SLC25A33: variants seen among roughly 807,000 people sequenced by gnomAD.
SLC25A33 encodes solute carrier family 25 member 33.
In SLC25A33, 15 loss-of-function variants were observed where a neutral mutation model predicts 35.5. That is an observed-to-expected ratio of 0.42 (90% CI 0.28 to 0.65). SLC25A33 has a LOEUF of 0.65. Among genes scored for constraint, SLC25A33 ranks in the 30% least tolerant of loss-of-function variants. The probability of loss-of-function intolerance (pLI) is 0.20; values close to 1 mark genes in which losing one functional copy is unlikely to be tolerated. For missense variants in SLC25A33, 257 were observed against 398.5 expected (o/e 0.64, Z 3.02); for synonymous variants, 136 against 148.7 (o/e 0.91, Z 0.62).
intron 5 of SLC25A33, among the ~76,000 whole-genome samples, chr1:9,575,632 A>G (rs1016889388): frequency 8.5e-5 from 13 of 152,064 alleles, no homozygotes; most frequent in African/African-American, 3.1e-4. Flanking sequence ...AAACGAAAGC[A>G]AAACGAAAGG....
At chr1:9,555,726 C>G (rs1409993536) in intron 2 of SLC25A33, among the ~76,000 whole-genome samples, 1 of 152,090 alleles carries the variant, frequency 6.6e-6, no homozygotes, top group Non-Finnish European at 1.5e-5. Context: ...ACTCTGTCAC[C>G]CAAGCTGGAG....
At position 9,583,584 on chromosome 1, in the gene SLC25A33, C is replaced by T. The variant is rs767019220; in HGVS notation, c.*1083C>T. ...ATGTGATGAAGAACAGTCATTCCCA[C>T]TGAGGTCTTTAGCCCTGTTCTTGGA... On this transcript the variant is annotated 3_prime_UTR_variant, in exon 7 of 7. Transcript: ENST00000302692. 3 of 152,154 alleles carry T rather than the reference C, an allele frequency of 2.0e-5. No homozygotes were observed. Among genetic ancestry groups the T allele is most frequent in the Admixed American group, 2.0e-4 (3 of 15,260 alleles). 9.4% of individuals were successfully genotyped at this position (152,154 alleles called of 1,614,324 possible).
chr1:9,560,251 CAAA>C (rs1211740712), intron 2 of SLC25A33, among the ~76,000 whole-genome samples: 5 of 96,464 alleles, frequency 5.2e-5, no homozygotes, highest in Non-Finnish European at 2.1e-5. Context: ...GACTCCATCT[CAAA>C]AAAAAAAAAA....
At position 9,544,547 on chromosome 1, in the gene SLC25A33, G is replaced by T. The variant is rs143279258; in HGVS notation, c.56+4800G>T. 5.2e-3 allele frequency among the ~76,000 whole-genome samples: 789 copies of T among 152,186 alleles called. 21 individuals carry two copies. Among genetic ancestry groups the T allele is most frequent in the Admixed American group, 0.033 (507 of 15,262 alleles). ...GCCTCCAAAAGTGCTGGGATTACAGGCGTGAGCCACCGAGCCCAGGCAATG... is the reference window on the plus strand; with the variant it reads ...GCCTCCAAAAGTGCTGGGATTACAGTCGTGAGCCACCGAGCCCAGGCAATG... On this transcript the variant is annotated intron_variant, in intron 1 of 6. Transcript: ENST00000302692.
rs535379635 is a variant in SLC25A33 at position 9,584,092 on chromosome 1, C to T, written c.*1591C>T. 6 of 152,062 alleles carry T rather than the reference C, an allele frequency of 3.9e-5. No homozygotes were observed. In the South Asian group the frequency reaches 8.3e-4, roughly 21 times the overall value. The allele number at this position is 152,062 out of a possible 1,614,324, so 9.4% of individuals were successfully genotyped here. A position where few individuals can be genotyped will look rare whatever the true frequency, so the allele number is the denominator to read the frequency against. On this transcript the variant is annotated 3_prime_UTR_variant, in exon 7 of 7. Coordinates refer to ENST00000302692, the MANE Select transcript of SLC25A33 (RefSeq NM_032315.3). Reference sequence around the variant, plus strand: ...TACTAAGAAGAAGGCAAGTAAAACCCCTAGTCTTCCATTAGCTCTTTCACT... The same window carrying T: ...TACTAAGAAGAAGGCAAGTAAAACCTCTAGTCTTCCATTAGCTCTTTCACT...
chr1:9,553,743 C>G lies in SLC25A33; in HGVS notation c.174C>G (p.Thr58=). 6.2e-7 allele frequency: 1 copy of G among 1,614,124 alleles called. No individual in the cohort carries two copies. Among genetic ancestry groups the G allele is most frequent in the African/African-American group, 1.3e-5 (1 of 75,022 alleles). Residue 58 remains threonine, a synonymous_variant, in exon 2 of 7, where the codon ACC becomes ACG. Coordinates refer to ENST00000302692, the MANE Select transcript of SLC25A33 (RefSeq NM_032315.3). ...ACTATCCTCAGGTTCATCTGGGGAC[C>G]ATTAGTGGAGCTGGAATGGTGAGAC... is the stretch of plus-strand genomic sequence containing the variant. ...TVYYPQVHLG[T]ISGAGMVRPT...
At chr1:9,542,048 G>T (rs971561726) in intron 1 of SLC25A33, among the ~76,000 whole-genome samples, 7 of 152,056 alleles carry the variant, frequency 4.6e-5, no homozygotes, top group Non-Finnish European at 1.0e-4. Context: ...TGCCCACCTC[G>T]GCCTCCCAAA....
At chr1:9,576,581 G>A (rs1033817703) in intron 5 of SLC25A33, 4 of 564,822 alleles carry the variant, frequency 7.1e-6, no homozygotes, top group African/African-American at 5.7e-5. Flanking sequence ...AGGCTCTGGA[G>A]TGCCACACGG....
chr1:9,573,994 TTTG>T (rs1643627048), intron 5 of SLC25A33, among the ~76,000 whole-genome samples: 1 of 152,018 alleles, frequency 6.6e-6, no homozygotes, highest in Admixed American at 6.6e-5. Context: ...TTGTTGTTGT[TTTG>T]TTTTTTTGTT....
chr1:9,574,051 T>C (rs2100407741), intron 5 of SLC25A33, among the ~76,000 whole-genome samples: 1 of 152,150 alleles, frequency 6.6e-6, no homozygotes, highest in East Asian at 1.9e-4. Flanking sequence ...AGTGCAGTGG[T>C]CCAATCTTGG....
intron 1 of SLC25A33, among the ~76,000 whole-genome samples, chr1:9,541,964 T>C (rs1643091448): frequency 6.6e-6 from 1 of 152,058 alleles, no homozygotes; most frequent in South Asian, 2.1e-4. Flanking sequence ...CACGCCCGGC[T>C]AATTTTGTAT....
At chr1:9,570,448 C>A in intron 4 of SLC25A33, 90 bp downstream of exon 4, 3 of 1,107,590 alleles carry the variant, frequency 2.7e-6, no homozygotes, top group Non-Finnish European at 4.0e-6. Context: ...TAGAAATTAG[C>A]TCCTTGCTTC....
intron 2 of SLC25A33, among the ~76,000 whole-genome samples, chr1:9,562,064 A>G (rs551973084): frequency 0.01 from 1,513 of 150,204 alleles, 34 homozygotes; most frequent in African/African-American, 0.031. Context: ...AAAAAAAAAA[A>G]GGGGCAATAT....
chr1:9,577,100 G>A (rs1010265998), intron 5 of SLC25A33: 3 of 519,332 alleles, frequency 5.8e-6, no homozygotes, highest in African/African-American at 3.9e-5. Flanking sequence ...GAATAGCCAG[G>A]TGGGGGCGGC....
intron 2 of SLC25A33, among the ~76,000 whole-genome samples, chr1:9,555,830 A>G (rs569517424): frequency 1.3e-5 from 2 of 152,220 alleles, no homozygotes; most frequent in African/African-American, 2.4e-5. Flanking sequence ...GATCACAGGC[A>G]TGCACCACGA....
intron 2 of SLC25A33, among the ~76,000 whole-genome samples, chr1:9,558,371 C>A (rs1643375207): frequency 6.6e-6 from 1 of 152,172 alleles, no homozygotes. Context: ...GGTCCAGGGC[C>A]CAGACCCTGG....
At chr1:9,545,693 G>A (rs976816819) in intron 1 of SLC25A33, among the ~76,000 whole-genome samples, 5 of 148,810 alleles carry the variant, frequency 3.4e-5, no homozygotes, top group African/African-American at 9.8e-5. Flanking sequence ...GAGCCACCGC[G>A]CCCAGCCAAT....
Position 9,583,199 on chromosome 1 carries a change from CAG to C in SLC25A33, c.*701_*702del, listed in dbSNP as rs896868329. On this transcript the variant is annotated 3_prime_UTR_variant, in exon 7 of 7. Transcript: ENST00000302692. ...CGTCACTTCACTCCAGCCTGGTCGA[CAG>C]AGTGAGACTCCATCTCAAAAAAAAA... 2 of 151,498 alleles carry C rather than the reference CAG, an allele frequency of 1.3e-5. No individual in the cohort carries two copies. Among genetic ancestry groups the C allele is most frequent in the African/African-American group, 4.8e-5 (2 of 41,270 alleles). 9.4% of individuals were successfully genotyped at this position (151,498 alleles called of 1,614,324 possible). A position where few individuals can be genotyped will look rare whatever the true frequency, so the allele number is the denominator to read the frequency against.
intron 2 of SLC25A33, among the ~76,000 whole-genome samples, chr1:9,554,652 C>T (rs761386993): frequency 5.9e-5 from 9 of 152,158 alleles, no homozygotes; most frequent in Non-Finnish European, 1.0e-4. Flanking sequence ...AGCCACCACA[C>T]CAGCTTTTTT....
Sources: gnomAD v4.1 joint callset for allele counts (sites outside exome capture counted in the v4.1 genomes callset) on GRCh38, gnomAD v4.1.1 for gene constraint, MANE v1.5 for transcripts, NCBI Gene and HGNC (gene_info 2026-07-23, HGNC 2026-07-21) for gene names.